CADM2: variants seen among roughly 807,000 people sequenced by gnomAD.
CADM2 encodes cell adhesion molecule 2.
In CADM2, 12 loss-of-function variants were observed where a neutral mutation model predicts 49.8. The ratio of observed to expected loss-of-function variants is 0.24; its 90% CI spans 0.15 to 0.39. CADM2 has a LOEUF of 0.39. CADM2 is among the 10% of genes least tolerant of loss of function. CADM2 has a pLI of 1.00. For missense variants in CADM2, 378 were observed against 492.3 expected, an observed-to-expected ratio of 0.77 and a Z score of 2.20; for synonymous variants, 214 against 175.4, an observed-to-expected ratio of 1.22 and a Z score of -1.74.
chr3:84,964,329 G>T (rs1307158015), intron 1 of CADM2, among the ~76,000 whole-genome samples: 2 of 152,150 alleles, frequency 1.3e-5, no homozygotes, highest in Non-Finnish European at 2.9e-5. Context: ...AACACCAAAT[G>T]ACATGAATTT....
At chr3:85,987,889 C>T (rs932541756) in intron 8 of CADM2, among the ~76,000 whole-genome samples, 2 of 151,904 alleles carry the variant, frequency 1.3e-5, no homozygotes, top group African/African-American at 4.8e-5. Context: ...CTGGCTGTAT[C>T]TTTCTTACTA....
intron 1 of CADM2, among the ~76,000 whole-genome samples, chr3:85,004,827 T>A (rs1294033048): frequency 6.6e-6 from 1 of 152,166 alleles, no homozygotes; most frequent in Admixed American, 6.6e-5. Context: ...TTTTAAGCAG[T>A]TATAAGACCT....
rs778440155 is a variant in CADM2, at chr3:85,912,484, T to C, written c.641T>C (p.Val214Ala). ...SDDGVAVICR[V>A]DHESLNATPQ... ...GATGGAGTGGCGGTCATCTGCAGAGTAGATCACGAATCCCTCAATGCCACC... is the reference window on the plus strand; with the variant it reads ...GATGGAGTGGCGGTCATCTGCAGAGCAGATCACGAATCCCTCAATGCCACC... The change falls in exon 6 of 10, where the codon GTA (valine) becomes GCA (alanine). Residue 214 changes from valine to alanine, a missense_variant. Val to Ala is a moderately conservative substitution (Grantham distance 64). Coordinates refer to ENST00000383699, the MANE Select transcript of CADM2 (RefSeq NM_001167675.2). 3 of 1,613,674 alleles carry C rather than the reference T, an allele frequency of 1.9e-6. No individual in the cohort carries two copies. The highest frequency in any genetic ancestry group is 1.1e-5 in the South Asian group (1 of 91,058).
At position 85,056,210 on chromosome 3, in the gene CADM2, G is replaced by A. The variant is rs1365041416; in HGVS notation, c.61+96542G>A. On this transcript the variant is annotated intron_variant, in intron 1 of 9. Coordinates refer to ENST00000383699, the MANE Select transcript of CADM2 (RefSeq NM_001167675.2). ...TTTGCAAGGTAATTTTTTAAACAGTGTCATCTGTTAAAGAAATGCAGTACT... is the reference window on the plus strand; with the variant it reads ...TTTGCAAGGTAATTTTTTAAACAGTATCATCTGTTAAAGAAATGCAGTACT... Among the ~76,000 whole-genome samples, 5 of 152,144 alleles carry A rather than the reference G, an allele frequency of 3.3e-5. No individual in the cohort carries two copies. The South Asian group carries it at 1.0e-3, about 32-fold the overall frequency.
intron 1 of CADM2, among the ~76,000 whole-genome samples, chr3:85,005,124 T>C (rs888085683): frequency 1.3e-5 from 2 of 152,130 alleles, no homozygotes; most frequent in African/African-American, 4.8e-5. Context: ...TAATAGGACA[T>C]CTAACTTGTA....
chr3:84,982,725 A>ACG (rs1230322424), intron 1 of CADM2, among the ~76,000 whole-genome samples: 20 of 126,610 alleles, frequency 1.6e-4, no homozygotes, highest in Non-Finnish European at 2.7e-4. Flanking sequence ...ATATATATAT[A>ACG]TATATATATA....
chr3:85,194,990 A>G (rs2041307059), intron 1 of CADM2, among the ~76,000 whole-genome samples: 1 of 152,038 alleles, frequency 6.6e-6, no homozygotes, highest in South Asian at 2.1e-4. Flanking sequence ...CTACAGGTGC[A>G]TGCTATTGTG....
intron 1 of CADM2, among the ~76,000 whole-genome samples, chr3:85,343,716 T>C (rs72903276): frequency 0.034 from 5,171 of 152,240 alleles, 298 homozygotes; most frequent in African/African-American, 0.12. Flanking sequence ...ACTAAGGCAG[T>C]TCATAGAAGA....
intron 1 of CADM2, among the ~76,000 whole-genome samples, chr3:84,960,948 G>A (rs2107033586): frequency 6.6e-6 from 1 of 152,258 alleles, no homozygotes; most frequent in East Asian, 1.9e-4. Flanking sequence ...TGGCTTGAGT[G>A]TGAGATATAG....
At chr3:85,051,456 A>AT (rs999441281) in intron 1 of CADM2, among the ~76,000 whole-genome samples, 50 of 152,272 alleles carry the variant, frequency 3.3e-4, no homozygotes, top group African/African-American at 1.2e-3. Flanking sequence ...ATTTAAAAAT[A>AT]TTTTTATCAA....
chr3:85,235,275 C>T (rs944256482), intron 1 of CADM2, among the ~76,000 whole-genome samples: 1 of 152,108 alleles, frequency 6.6e-6, no homozygotes, highest in Non-Finnish European at 1.5e-5. Context: ...GCCTTTGATA[C>T]TGCCTAACCT....
At chr3:85,121,799 C>T (rs750868497) in intron 1 of CADM2, among the ~76,000 whole-genome samples, 2 of 152,284 alleles carry the variant, frequency 1.3e-5, no homozygotes, top group African/African-American at 4.8e-5. Flanking sequence ...AAGCCTCCTA[C>T]TCAATCATAT....
At chr3:85,359,667 T>TATATATA (rs1491224693) in intron 1 of CADM2, among the ~76,000 whole-genome samples, 2 of 16,492 alleles carry the variant, frequency 1.2e-4, no homozygotes, top group African/African-American at 3.7e-4. Flanking sequence ...TATATATATA[T>TATATATA]TTTTTTTTTT....
At position 85,990,086 on chromosome 3, in the gene CADM2, AC is replaced by A. The variant is rs1728602892; in HGVS notation, c.970+28440del. Among the ~76,000 whole-genome samples, 3 of 149,164 alleles carry A rather than the reference AC, an allele frequency of 2.0e-5. No homozygotes were observed. In the Admixed American group the frequency reaches 2.0e-4, roughly 10 times the overall value. On this transcript the variant is annotated intron_variant, in intron 8 of 9. Coordinates refer to ENST00000383699, the MANE Select transcript of CADM2 (RefSeq NM_001167675.2). ...GTTAGAAATGGTGGTAAATGGAAATACTTAAAAACACTTAACAATTCACTTT... is the reference window on the plus strand; with the variant it reads ...GTTAGAAATGGTGGTAAATGGAAATATTAAAAACACTTAACAATTCACTTT...
In CADM2 at chr3:85,153,276, G is replaced by T. The variant is rs1368369155; in HGVS notation, c.61+193608G>T. On this transcript the variant is annotated intron_variant, in intron 1 of 9. Transcript: ENST00000383699. ...GGCGAGGCATTGCCTCACTCGGGAAGTGCAAGGGGTCAGGGAGTTCCCTTT... is the reference window on the plus strand; with the variant it reads ...GGCGAGGCATTGCCTCACTCGGGAATTGCAAGGGGTCAGGGAGTTCCCTTT... Among the ~76,000 whole-genome samples, 5 of 152,330 alleles carry T rather than the reference G, an allele frequency of 3.3e-5. No individual in the cohort carries two copies. The East Asian group carries it at 9.7e-4, about 30-fold the overall frequency.
intron 1 of CADM2, among the ~76,000 whole-genome samples, chr3:85,631,870 T>G (rs2064319229): frequency 6.6e-6 from 1 of 152,168 alleles, no homozygotes; most frequent in African/African-American, 2.4e-5. Flanking sequence ...CAGATGATAC[T>G]GGTAATATTT....
intron 1 of CADM2, among the ~76,000 whole-genome samples, chr3:85,083,904 G>A (rs2037271811): frequency 6.6e-6 from 1 of 152,056 alleles, no homozygotes; most frequent in Non-Finnish European, 1.5e-5. Flanking sequence ...CCTATAGAAA[G>A]AAATAGTCCA....
intron 8 of CADM2, among the ~76,000 whole-genome samples, chr3:86,001,290 A>T (rs766015074): frequency 1.3e-5 from 2 of 152,154 alleles, no homozygotes; most frequent in Non-Finnish European, 2.9e-5. Context: ...AGTTGGATAT[A>T]CAGATCTGGA....
chr3:85,077,894 T>C (rs1454304235), intron 1 of CADM2, among the ~76,000 whole-genome samples: 1 of 152,100 alleles, frequency 6.6e-6, no homozygotes, highest in East Asian at 1.9e-4. Flanking sequence ...TGATATTACA[T>C]GACTTGTTTC....
Sources: allele counts gnomAD v4.1 joint callset (sites outside exome capture counted in the v4.1 genomes callset), GRCh38; gene constraint gnomAD v4.1.1; transcripts MANE v1.5; gene names NCBI Gene and HGNC (gene_info 2026-07-23, HGNC 2026-07-21).